The following ARHGEF17 variants were observed in gnomAD, a reference collection of about 807,000 sequenced individuals.
ARHGEF17 encodes the protein 164 kDa Rho-specific guanine-nucleotide exchange factor.
Under a neutral mutation model 174.0 loss-of-function variants are expected in ARHGEF17, and 80 were observed. That is an observed-to-expected ratio of 0.46 (90% CI 0.38 to 0.55). The LOEUF is 0.55. Ranked by LOEUF, ARHGEF17 falls within the 20% of genes least tolerant of loss-of-function variation. The probability of loss-of-function intolerance (pLI) is 0.00; values close to 1 mark genes in which losing one functional copy is unlikely to be tolerated. For missense variants in ARHGEF17, 2,886 were observed against 2,839.7 expected, an observed-to-expected ratio of 1.02 and a Z score of -0.37; for synonymous variants, 1,311 against 1,189.1, an observed-to-expected ratio of 1.10 and a Z score of -2.11.
chr11:73,346,862 C>T (rs747996011), intron 1 of ARHGEF17, 21 bp from the exon 2 acceptor site: 1 of 1,452,836 alleles, frequency 6.9e-7, no homozygotes, highest in Non-Finnish European at 9.1e-7. Context: ...CCCTGTTCAC[C>T]CTCTGCTCCT....
chr11:73,318,779 G>C (rs913335413), intron 1 of ARHGEF17, among the ~76,000 whole-genome samples: 1 of 152,238 alleles, frequency 6.6e-6, no homozygotes, highest in African/African-American at 2.4e-5. Context: ...AGGTCTAGGT[G>C]GTGTATTAGT....
At chr11:73,361,988 C>G in intron 12 of ARHGEF17, 52 bp from the exon 13 acceptor site, 2 of 1,583,062 alleles carry the variant, frequency 1.3e-6, no homozygotes, top group Non-Finnish European at 1.7e-6. Flanking sequence ...GTGGGGAATG[C>G]TGGCAGCAGT....
chr11:73,332,469 A>T (rs1019169715), intron 1 of ARHGEF17, among the ~76,000 whole-genome samples: 1 of 151,648 alleles, frequency 6.6e-6, no homozygotes, highest in Non-Finnish European at 1.5e-5. Flanking sequence ...ATTTGATGTT[A>T]TACCCAAATA....
chr11:73,313,518 G>C (rs1269623086), intron 1 of ARHGEF17, among the ~76,000 whole-genome samples: 1 of 152,178 alleles, frequency 6.6e-6, no homozygotes, highest in Admixed American at 6.5e-5. Context: ...GGAGTTTACA[G>C]AACTTCTCCT....
Position 73,310,372 on chromosome 11 carries a change from C to G in ARHGEF17, c.1734C>G (p.Ala578=), listed in dbSNP as rs762014607. 1.9e-6 allele frequency: 3 copies of G among 1,613,738 alleles called. No homozygotes were observed. Among genetic ancestry groups the G allele is most frequent in the African/African-American group, 1.3e-5 (1 of 74,936 alleles). ...AGCTCCTGCTCACAGGCCCTGGTGC[C>G]GAGGAGGATCCGCTGCCCCTCATCG... The part of the protein sequence containing the change: ...SSELLLTGPG[A]EEDPLPLIVQ... Residue 578 remains alanine, a synonymous_variant, in exon 1 of 21, where the codon GCC becomes GCG. Transcript: ENST00000263674.
At chr11:73,332,397 GTGTGTGTGTGTA>G (rs778460834) in intron 1 of ARHGEF17, among the ~76,000 whole-genome samples, 10,457 of 114,130 alleles carry the variant, frequency 0.092, 601 homozygotes, top group Middle Eastern at 0.14. Flanking sequence ...GTGTGTGTGT[GTGTGTGTGTGTA>G]TTTTAAATAA....
In ARHGEF17 at chr11:73,362,091, G is replaced by A. The variant is rs1039117812; in HGVS notation, c.4546G>A (p.Val1516Ile). The part of the protein sequence containing the change: ...LNSCPEPSPE[V>I]WVCNSDGYVG... The stretch of plus-strand genomic sequence containing the variant: ...CAGCTGCCCGGAGCCCTCGCCTGAG[G>A]TATGGGTCTGCAACAGCGACGGCTA... Residue 1516 changes from valine to isoleucine, a missense_variant, in exon 13 of 21, where the codon GTA becomes ATA. Physicochemically the swap from Val to Ile is conservative, Grantham distance 29 (BLOSUM62 3). This residue lies in a region of ARHGEF17 where 476 missense variants were observed against 473.1 expected (regional missense o/e 1.01). Transcript: ENST00000263674. The A allele has an allele frequency of 6.2e-7, 1 of 1,612,850 alleles. No individual in the cohort carries two copies. The highest frequency in any genetic ancestry group is 8.5e-7 in the Non-Finnish European group (1 of 1,179,924).
intron 2 of ARHGEF17, among the ~76,000 whole-genome samples, chr11:73,350,745 C>A (rs1239770072): frequency 2.6e-5 from 4 of 152,200 alleles, no homozygotes; most frequent in Non-Finnish European, 5.9e-5. Context: ...CTAACAAACG[C>A]CCCTTCCCCT....
intron 15 of ARHGEF17, 25 bp downstream of exon 15, chr11:73,363,480 A>G (rs759803865): frequency 6.3e-7 from 1 of 1,598,974 alleles, no homozygotes; most frequent in Non-Finnish European, 8.5e-7. Flanking sequence ...GGGACTAGGG[A>G]CACAGTGCCA....
At chr11:73,325,838 T>C (rs1326584271) in intron 1 of ARHGEF17, among the ~76,000 whole-genome samples, 1 of 152,108 alleles carries the variant, frequency 6.6e-6, no homozygotes, top group African/African-American at 2.4e-5. Context: ...GCCTGGTGAG[T>C]GGGGAGAGGG....
chr11:73,338,771 G>C (rs929896219), intron 1 of ARHGEF17, among the ~76,000 whole-genome samples: 2 of 151,902 alleles, frequency 1.3e-5, no homozygotes, highest in Non-Finnish European at 2.9e-5. Context: ...TGGGGTTTAG[G>C]AGCCTGGGCC....
intron 1 of ARHGEF17, among the ~76,000 whole-genome samples, chr11:73,312,548 T>C (rs1282263931): frequency 2.0e-5 from 3 of 151,962 alleles, no homozygotes; most frequent in East Asian, 3.9e-4. Context: ...CGGTTTTGAG[T>C]TGGGGACTCT....
intron 1 of ARHGEF17, among the ~76,000 whole-genome samples, chr11:73,314,944 A>C (rs1864905099): frequency 6.6e-6 from 1 of 152,246 alleles, no homozygotes; most frequent in Non-Finnish European, 1.5e-5. Flanking sequence ...GTCTCTCAGC[A>C]TCATAGGCAG....
intron 5 of ARHGEF17, 94 bp from the exon 6 acceptor site, chr11:73,356,081 C>G: frequency 6.4e-7 from 1 of 1,572,350 alleles, no homozygotes; most frequent in Non-Finnish European, 8.7e-7. Flanking sequence ...AAAGATAGTC[C>G]TCTTTGGTGT....
rs763924182 is a variant in ARHGEF17 at position 73,310,874 on chromosome 11, A to G, written c.2236A>G (p.Thr746Ala). Residue 746 changes from threonine to alanine, a missense_variant, in exon 1 of 21, where the codon ACC becomes GCC. This residue lies in a region of ARHGEF17 where 1,728 missense variants were observed against 1,461.2 expected (regional missense o/e 1.18). Coordinates refer to ENST00000263674, the MANE Select transcript of ARHGEF17 (RefSeq NM_014786.4). The part of the protein sequence containing the change: ...DPIPQRHRAA[T>A]SEEPTGFSVD... ...AATTCCTCAGCGCCACCGGGCTGCC[A>G]CCTCTGAAGAGCCTACTGGGTTCTC... is the stretch of plus-strand genomic sequence containing the variant. 2 of 1,611,806 alleles carry G rather than the reference A, an allele frequency of 1.2e-6. No homozygotes were observed. The highest frequency in any genetic ancestry group is 2.2e-5 in the South Asian group (2 of 91,016).
chr11:73,332,690 C>T lies in ARHGEF17; in HGVS notation c.3193-14193C>T, dbSNP rs78537711. Among the ~76,000 whole-genome samples, 364 of 152,112 alleles carry T rather than the reference C, an allele frequency of 2.4e-3. 3 individuals carry two copies. The highest frequency in any genetic ancestry group is 8.4e-3 in the African/African-American group (350 of 41,504). On this transcript the variant is annotated intron_variant, in intron 1 of 20. Coordinates refer to ENST00000263674, the MANE Select transcript of ARHGEF17 (RefSeq NM_014786.4). ...CTCCGGGTTCCTAGATAATCCCACA[C>T]CTCTTCCTTCTGGGGTTCCTGGGGG...
At chr11:73,356,781 G>C (rs373197266) in intron 7 of ARHGEF17, 22 bp downstream of exon 7, 29 of 1,613,986 alleles carry the variant, frequency 1.8e-5, no homozygotes, top group Non-Finnish European at 2.3e-5. Context: ...CCCAGTATCT[G>C]TCCGGCTGTC....
chr11:73,310,040 G>C lies in ARHGEF17; in HGVS notation c.1402G>C (p.Ala468Pro). Residue 468 changes from alanine (A) to proline (P), a missense_variant, in exon 1 of 21, where the codon GCC (alanine) becomes CCC (proline). This residue lies in a region of ARHGEF17 where 1,728 missense variants were observed against 1,461.2 expected (regional missense o/e 1.18). Coordinates refer to ENST00000263674, the MANE Select transcript of ARHGEF17 (RefSeq NM_014786.4). ...GAAGTCCCTGTCAAATCCAGATATC[G>C]CCTCAGAGACCCTGACGCTTCTCAG... ...QRKSLSNPDIASETLTLLSFL... is the reference protein window; with the variant it reads ...QRKSLSNPDIPSETLTLLSFL... 6.2e-7 allele frequency: 1 copy of C among 1,614,146 alleles called. No homozygotes were observed. The highest frequency in any genetic ancestry group is 8.5e-7 in the Non-Finnish European group (1 of 1,180,010).
intron 1 of ARHGEF17, among the ~76,000 whole-genome samples, chr11:73,333,306 T>C (rs7342205): frequency 0.31 from 46,856 of 152,170 alleles, 9,479 homozygotes; most frequent in African/African-American, 0.58. Flanking sequence ...GAGTATACCC[T>C]GGGTTTGGCT....
Sources: gnomAD v4.1 joint callset for allele counts (sites outside exome capture counted in the v4.1 genomes callset) on GRCh38, gnomAD v4.1.1 for gene constraint, gnomAD v4.1.1 regional missense constraint, MANE v1.5 for transcripts, NCBI Gene and HGNC (gene_info 2026-07-23, HGNC 2026-07-21) for gene names.